Variants in CSMD1 observed in about 807,000 individuals in gnomAD.
CSMD1 encodes the protein CUB and sushi domain-containing protein 1.
A neutral mutation model predicts 417.5 loss-of-function variants in CSMD1; 213 were observed. That is an observed-to-expected ratio of 0.51 (90% confidence interval 0.46 to 0.57). CSMD1 has a LOEUF of 0.57. Ranked by LOEUF, CSMD1 falls within the 20% of genes least tolerant of loss-of-function variation. CSMD1 has a pLI of 0.00. For missense variants in CSMD1, 6,923 were observed against 4,529.7 expected (o/e 1.53, Z -15.17); for synonymous variants, 2,862 against 1,736.8 (o/e 1.65, Z -16.11).
chr8:4,737,815 A>G (rs1185922899), intron 1 of CSMD1, among the ~76,000 whole-genome samples: 1 of 152,210 alleles, frequency 6.6e-6, no homozygotes, highest in Non-Finnish European at 1.5e-5. Flanking sequence ...ATCTAAAGTA[A>G]TGGGCAGCAT....
intron 1 of CSMD1, among the ~76,000 whole-genome samples, chr8:4,988,048 T>C (rs1247066929): frequency 1.3e-5 from 2 of 152,206 alleles, no homozygotes; most frequent in African/African-American, 4.8e-5. Context: ...CTCCCCTTTA[T>C]ATATACATTT....
At chr8:3,861,954 T>C (rs1013875777) in intron 5 of CSMD1, among the ~76,000 whole-genome samples, 54 of 152,138 alleles carry the variant, frequency 3.5e-4, no homozygotes, top group African/African-American at 4.8e-4. Context: ...TGTACCCTGG[T>C]TTAATATCTG....
chr8:4,312,522 C>G (rs186812874), intron 3 of CSMD1, among the ~76,000 whole-genome samples: 16 of 149,816 alleles, frequency 1.1e-4, no homozygotes, highest in African/African-American at 2.7e-4. Context: ...ATCAATGTTA[C>G]TTATTGAGAA....
intron 1 of CSMD1, chr8:4,788,699 G>A: frequency 3.8e-6 from 2 of 520,172 alleles, no homozygotes; most frequent in Non-Finnish European, 6.9e-6. Flanking sequence ...CAAATAAAAT[G>A]TATTAGTGAA....
At chr8:4,429,452 G>A (rs1398322522) in intron 2 of CSMD1, among the ~76,000 whole-genome samples, 1 of 152,090 alleles carries the variant, frequency 6.6e-6, no homozygotes, top group Non-Finnish European at 1.5e-5. Context: ...CAGTGGCTCA[G>A]TTTGGTTCTT....
At chr8:4,057,417 T>C (rs1361939933) in intron 3 of CSMD1, among the ~76,000 whole-genome samples, 1 of 152,226 alleles carries the variant, frequency 6.6e-6, no homozygotes, top group East Asian at 1.9e-4. Context: ...GAGTTCATTG[T>C]AGATTCTGGA....
At chr8:4,303,900 C>G (rs1037879402) in intron 3 of CSMD1, among the ~76,000 whole-genome samples, 3 of 152,088 alleles carry the variant, frequency 2.0e-5, no homozygotes, top group Admixed American at 6.6e-5. Context: ...TGTGATCTGC[C>G]TGCCTCAGCC....
At chr8:3,354,992 T>C (rs1376208604) in intron 21 of CSMD1, among the ~76,000 whole-genome samples, 2 of 151,170 alleles carry the variant, frequency 1.3e-5, no homozygotes, top group African/African-American at 2.5e-5. Context: ...TAAATTAAAC[T>C]AGATATAAAT....
At chr8:3,061,637 T>C (rs1812595804) in intron 49 of CSMD1, among the ~76,000 whole-genome samples, 1 of 152,152 alleles carries the variant, frequency 6.6e-6, no homozygotes, top group South Asian at 2.1e-4. Context: ...AATAAAGCAC[T>C]GACCCCATGA....
In CSMD1 at chr8:4,046,592, G is replaced by A. The variant is rs185557875; in HGVS notation, c.416-14493C>T. On this transcript the variant is annotated intron_variant, in intron 3 of 69. Transcript: ENST00000635120. ...CAGGTATTTTTCTTTAATTTCTGAA[G>A]ACCTACTGTTGATTGTTGAGTCTTG... 1.7e-3 allele frequency among the ~76,000 whole-genome samples: 266 copies of A among 152,230 alleles called. 2 individuals are homozygous for A. The highest frequency in any genetic ancestry group is 5.9e-3 in the African/African-American group (246 of 41,528).
chr8:4,860,243 A>T (rs1047874595), intron 1 of CSMD1, among the ~76,000 whole-genome samples: 4 of 114,928 alleles, frequency 3.5e-5, no homozygotes, highest in African/African-American at 1.4e-4. Context: ...GGGGAATATC[A>T]CACTCAGGGG....
chr8:4,862,535 T>A (rs1239071769), intron 1 of CSMD1, among the ~76,000 whole-genome samples: 2 of 152,014 alleles, frequency 1.3e-5, no homozygotes, highest in Non-Finnish European at 2.9e-5. Flanking sequence ...AGAAGAGTAG[T>A]GGAGGTGGTA....
intron 4 of CSMD1, among the ~76,000 whole-genome samples, chr8:4,001,826 G>A (rs1267824546): frequency 6.6e-6 from 1 of 151,796 alleles, no homozygotes; most frequent in African/African-American, 2.4e-5. Context: ...GAAAGGAGTA[G>A]ATGACATAAA....
rs185974909 is a variant in CSMD1, at chr8:4,878,236, G to C, written c.85+116096C>G. On this transcript the variant is annotated intron_variant, in intron 1 of 69. Coordinates refer to ENST00000635120, the MANE Select transcript of CSMD1 (RefSeq NM_033225.6). Reference sequence around the variant, plus strand: ...ATAAGGTGAGAAAAGAAAAGAAAGGGTCAGGGAAGGAAAGGAAAAAAGTAA... The same window carrying C: ...ATAAGGTGAGAAAAGAAAAGAAAGGCTCAGGGAAGGAAAGGAAAAAAGTAA... 7.2e-5 allele frequency among the ~76,000 whole-genome samples: 11 copies of C among 152,100 alleles called. No homozygotes were observed. The East Asian group carries it at 2.1e-3, about 29-fold the overall frequency.
intron 1 of CSMD1, among the ~76,000 whole-genome samples, chr8:4,772,875 A>G (rs146047065): frequency 6.6e-6 from 1 of 152,184 alleles, no homozygotes; most frequent in Non-Finnish European, 1.5e-5. Flanking sequence ...ATGTGGATTT[A>G]ATCCTGTTAT....
chr8:4,324,755 T>C (rs770918634), intron 3 of CSMD1, among the ~76,000 whole-genome samples: 8 of 152,200 alleles, frequency 5.3e-5, no homozygotes, highest in Non-Finnish European at 1.2e-4. Context: ...TTTATTTTGT[T>C]TCAGCCCCAT....
intron 41 of CSMD1, among the ~76,000 whole-genome samples, chr8:3,134,481 A>C (rs1337559436): frequency 6.6e-6 from 1 of 152,246 alleles, no homozygotes; most frequent in East Asian, 1.9e-4. Flanking sequence ...TGAGAGGAGC[A>C]GGCAGATCTG....
At chr8:4,961,711 A>G (rs759332596) in intron 1 of CSMD1, among the ~76,000 whole-genome samples, 1 of 152,026 alleles carries the variant, frequency 6.6e-6, no homozygotes, top group Non-Finnish European at 1.5e-5. Context: ...TGATAACGTA[A>G]TTTTATTTGG....
rs559541424 is a variant in CSMD1, at chr8:3,773,699, G to A, written c.819-19657C>T. On this transcript the variant is annotated intron_variant, in intron 5 of 69. Coordinates refer to ENST00000635120, the MANE Select transcript of CSMD1 (RefSeq NM_033225.6). Reference sequence around the variant, plus strand: ...GACTTACAGCAACAGCATCTTAATTGAGTTCCCACCTTCAAATTGATGATG... The same window carrying A: ...GACTTACAGCAACAGCATCTTAATTAAGTTCCCACCTTCAAATTGATGATG... Among the ~76,000 whole-genome samples, 6 of 152,226 alleles carry A rather than the reference G, an allele frequency of 3.9e-5. No individual in the cohort carries two copies. In the East Asian group the frequency reaches 9.7e-4, roughly 25 times the overall value.
Sources: gnomAD v4.1 joint callset for allele counts (sites outside exome capture counted in the v4.1 genomes callset) on GRCh38, gnomAD v4.1.1 for gene constraint, MANE v1.5 for transcripts, NCBI Gene and HGNC (gene_info 2026-07-23, HGNC 2026-07-21) for gene names.